KAZN: variants seen among roughly 807,000 people sequenced by gnomAD.
KAZN encodes kazrin.
In KAZN, 40 loss-of-function variants were observed where a neutral mutation model predicts 87.4. That is an observed-to-expected ratio of 0.46 (90% confidence interval 0.36 to 0.60). The LOEUF is 0.60. KAZN is among the 20% of genes least tolerant of loss of function. KAZN has a pLI of 0.00. For synonymous variants in KAZN, 466 were observed against 458.3 expected (o/e 1.02, Z -0.22); for missense variants, 898 against 1,073.9 (o/e 0.84, Z 2.29).
chr1:14,251,061 A>G (rs1208735228), intron 2 of KAZN, among the ~76,000 whole-genome samples: 6 of 152,122 alleles, frequency 3.9e-5, no homozygotes, highest in African/African-American at 7.2e-5. Context: ...TACCAGCAGG[A>G]AAGAAAGGGC....
At chr1:13,981,089 T>TCTCTCTCTCTCTCTCTC (rs1553181094) in intron 1 of KAZN, among the ~76,000 whole-genome samples, 1 of 63,134 alleles carries the variant, frequency 1.6e-5, no homozygotes, top group African/African-American at 5.8e-5. Context: ...AAATTACTCT[T>TCTCTCTCTCTCTCTCTC]TATATATATA....
At chr1:14,468,997 T>C (rs566965085) in intron 2 of KAZN, among the ~76,000 whole-genome samples, 1 of 152,184 alleles carries the variant, frequency 6.6e-6, no homozygotes, top group Non-Finnish European at 1.5e-5. Context: ...TCTCTTTCTA[T>C]CCTCATTCTC....
intron 2 of KAZN, among the ~76,000 whole-genome samples, chr1:14,453,662 C>T (rs1667406214): frequency 6.6e-6 from 1 of 152,074 alleles, no homozygotes; most frequent in Non-Finnish European, 1.5e-5. Flanking sequence ...ATGGCAAAAC[C>T]CCATCTCTAC....
chr1:14,353,225 CT>C (rs34074015), intron 2 of KAZN, among the ~76,000 whole-genome samples: 41,369 of 137,370 alleles, frequency 0.3, 5,693 homozygotes, highest in East Asian at 0.38. Flanking sequence ...GATGACATCA[CT>C]TTTTTTTTTT....
chr1:13,919,852 G>A (rs1458536628), intron 1 of KAZN, among the ~76,000 whole-genome samples: 4 of 152,068 alleles, frequency 2.6e-5, no homozygotes, highest in African/African-American at 9.7e-5. Flanking sequence ...ACCACACCCA[G>A]CCTATGTTAT....
intron 2 of KAZN, among the ~76,000 whole-genome samples, chr1:14,990,488 T>C (rs1173968054): frequency 6.6e-6 from 1 of 152,164 alleles, no homozygotes; most frequent in Non-Finnish European, 1.5e-5. Flanking sequence ...CCTCCCAAAG[T>C]GTTGTGATGA....
intron 1 of KAZN, among the ~76,000 whole-genome samples, chr1:14,681,593 C>CTA (rs1310399942): frequency 1.9e-4 from 18 of 94,244 alleles, no homozygotes; most frequent in South Asian, 1.5e-3. Flanking sequence ...GCCATTTTAA[C>CTA]TATATATATA....
intron 2 of KAZN, among the ~76,000 whole-genome samples, chr1:15,033,822 T>C (rs1671977164): frequency 6.6e-6 from 1 of 152,216 alleles, no homozygotes; most frequent in African/African-American, 2.4e-5. Flanking sequence ...CACTGCAACC[T>C]CTACCTCCTA....
At chr1:14,030,021 G>T (rs1012843593) in intron 1 of KAZN, among the ~76,000 whole-genome samples, 2 of 152,062 alleles carry the variant, frequency 1.3e-5, no homozygotes, top group African/African-American at 2.4e-5. Flanking sequence ...GAAAGTCATT[G>T]GTAGCTTTAT....
At chr1:14,945,212 G>A (rs941895111) in intron 1 of KAZN, among the ~76,000 whole-genome samples, 5 of 152,362 alleles carry the variant, frequency 3.3e-5, no homozygotes, top group Admixed American at 1.3e-4. Flanking sequence ...AGCTATAGAT[G>A]GTGGAAGTCC....
chr1:14,759,939 C>G lies in KAZN; in HGVS notation c.226+160716C>G, dbSNP rs139468941. 5.3e-3 allele frequency among the ~76,000 whole-genome samples: 801 copies of G among 152,242 alleles called. 7 individuals carry two copies. Among genetic ancestry groups the G allele is most frequent in the Non-Finnish European group, 8.0e-3 (545 of 68,030 alleles). ...CTTCCAGGACTCTCCCTTTGCCTCC[C>G]GGCCTCCGAGAACTTAAGTACCTGG... On this transcript the variant is annotated intron_variant, in intron 1 of 14. Transcript: ENST00000376030.
chr1:14,841,599 G>A (rs1648024980), intron 1 of KAZN, among the ~76,000 whole-genome samples: 1 of 152,100 alleles, frequency 6.6e-6, no homozygotes, highest in South Asian at 2.1e-4. Flanking sequence ...TGGATGCTAG[G>A]GCTAGATACA....
At chr1:13,993,074 C>T (rs1351460205) in intron 1 of KAZN, among the ~76,000 whole-genome samples, 3 of 152,092 alleles carry the variant, frequency 2.0e-5, no homozygotes, top group Non-Finnish European at 2.9e-5. Context: ...CATGTGATTT[C>T]CTTTAGCTAA....
chr1:14,851,354 C>T (rs111935592), intron 1 of KAZN, among the ~76,000 whole-genome samples: 44 of 152,340 alleles, frequency 2.9e-4, no homozygotes, highest in Admixed American at 3.9e-4. Context: ...CTCCCTTCTG[C>T]GGTGGTGGGG....
chr1:14,211,290 G>A (rs934294243), intron 2 of KAZN, among the ~76,000 whole-genome samples: 4 of 152,046 alleles, frequency 2.6e-5, no homozygotes, highest in African/African-American at 7.2e-5. Flanking sequence ...GCACAATCTC[G>A]ACTCACTGCA....
rs1283580435 is a variant in KAZN, at chr1:14,941,259, A to G, written c.227-19425A>G. 4.6e-5 allele frequency among the ~76,000 whole-genome samples: 7 copies of G among 152,232 alleles called. No homozygotes were observed. The South Asian group carries it at 1.2e-3, about 27-fold the overall frequency. Reference sequence around the variant, plus strand: ...GTAGCCTGCCCTGCATCCCCACCCCAGTGCCATCAGGTCAAAAGGGACCCA... The same window carrying G: ...GTAGCCTGCCCTGCATCCCCACCCCGGTGCCATCAGGTCAAAAGGGACCCA... On this transcript the variant is annotated intron_variant, in intron 1 of 14. Coordinates refer to ENST00000376030, the MANE Select transcript of KAZN (RefSeq NM_201628.3).
chr1:14,266,210 C>T (rs80201832), intron 2 of KAZN, among the ~76,000 whole-genome samples: 6,259 of 152,292 alleles, frequency 0.041, 155 homozygotes, highest in Middle Eastern at 0.075. Context: ...AACTTAACCA[C>T]GCAGCCAGAA....
At chr1:14,383,175 C>T (rs1461721593) in intron 2 of KAZN, among the ~76,000 whole-genome samples, 5 of 151,538 alleles carry the variant, frequency 3.3e-5, no homozygotes, top group Non-Finnish European at 7.4e-5. Flanking sequence ...TGTTTTTTTC[C>T]TGTAAATTTG....
intron 2 of KAZN, among the ~76,000 whole-genome samples, chr1:14,432,939 T>C (rs1287581751): frequency 1.3e-5 from 2 of 152,178 alleles, no homozygotes; most frequent in Non-Finnish European, 2.9e-5. Context: ...TTCCATGGTG[T>C]ATATGTGTGG....
Sources: allele counts gnomAD v4.1 joint callset (sites outside exome capture counted in the v4.1 genomes callset), GRCh38; gene constraint gnomAD v4.1.1; transcripts MANE v1.5; gene names NCBI Gene and HGNC (gene_info 2026-07-23, HGNC 2026-07-21).